The following STOX2 variants were observed in gnomAD, a reference collection of about 807,000 sequenced individuals.
STOX2 encodes the protein storkhead box 2, also known as storkhead-box protein 2.
In STOX2, 28 loss-of-function variants were observed where a neutral mutation model predicts 60.9. The observed-to-expected ratio is 0.46, with a 90% CI of 0.34 to 0.63. STOX2 has a LOEUF of 0.63. Ranked by LOEUF, STOX2 falls within the 30% of genes least tolerant of loss-of-function variation. The pLI is 0.01. For synonymous variants in STOX2, 472 were observed against 463.9 expected, an observed-to-expected ratio of 1.02 and a Z score of -0.22; for missense variants, 1,024 against 1,187.7, an observed-to-expected ratio of 0.86 and a Z score of 2.03.
chr4:183,860,917 C>T (rs1314720117), intron 1 of STOX2, among the ~76,000 whole-genome samples: 1 of 152,200 alleles, frequency 6.6e-6, no homozygotes, highest in African/African-American at 2.4e-5. Context: ...CAAGCATCTT[C>T]CTGTAGGAAC....
intron 1 of STOX2, among the ~76,000 whole-genome samples, chr4:183,833,790 G>C (rs180787715): frequency 0.014 from 2,055 of 148,450 alleles, 44 homozygotes; most frequent in African/African-American, 0.047. Context: ...AGACCATCCC[G>C]GCTAAAAACG....
At chr4:183,930,024 T>C (rs1027535341) in intron 1 of STOX2, among the ~76,000 whole-genome samples, 12 of 151,500 alleles carry the variant, frequency 7.9e-5, no homozygotes, top group African/African-American at 1.5e-4. Context: ...TCACCACGCC[T>C]GGCTAATTTT....
chr4:183,970,177 T>TGG (rs1560911379), intron 1 of STOX2, among the ~76,000 whole-genome samples: 15 of 139,946 alleles, frequency 1.1e-4, no homozygotes, highest in African/African-American at 3.5e-4. Context: ...TGTGTGTGTG[T>TGG]GTGTGGGGTT....
rs551210823 is a variant in STOX2, at chr4:183,889,184, A to G, written c.364+91129A>G. 1.0e-3 allele frequency among the ~76,000 whole-genome samples: 159 copies of G among 152,030 alleles called. 1 individual carries two copies. The highest frequency in any genetic ancestry group is 2.1e-3 in the Non-Finnish European group (140 of 68,000). ...CTAACCACCTATAGCTCCAAATAGG[A>G]CCTTATTTGGAAATAGGGTAGTTGG... On this transcript the variant is annotated intron_variant, in intron 1 of 2. Transcript: ENST00000513034.
intron 1 of STOX2, among the ~76,000 whole-genome samples, chr4:183,840,838 T>G (rs922597771): frequency 6.6e-6 from 1 of 152,206 alleles, no homozygotes; most frequent in East Asian, 1.9e-4. Flanking sequence ...CTGCACACTG[T>G]GGATCTGCGG....
chr4:183,849,959 T>TTTC (rs1560844615), intron 1 of STOX2, among the ~76,000 whole-genome samples: 2 of 152,136 alleles, frequency 1.3e-5, no homozygotes, highest in African/African-American at 2.4e-5. Flanking sequence ...TTTCTTTTCT[T>TTTC]TTTCTTTCTT....
intron 1 of STOX2, among the ~76,000 whole-genome samples, chr4:183,996,843 T>G (rs574103920): frequency 6.6e-6 from 1 of 152,300 alleles, no homozygotes; most frequent in South Asian, 2.1e-4. Flanking sequence ...TCTCATGCAG[T>G]TAATTGGGGG....
chr4:183,933,792 A>T (rs1742509152), intron 1 of STOX2, among the ~76,000 whole-genome samples: 1 of 152,220 alleles, frequency 6.6e-6, no homozygotes, highest in South Asian at 2.1e-4. Flanking sequence ...TGTTTTAAAG[A>T]GCATTTATTA....
At chr4:183,995,856 G>A (rs982134697) in intron 1 of STOX2, among the ~76,000 whole-genome samples, 22 of 152,124 alleles carry the variant, frequency 1.4e-4, no homozygotes, top group African/African-American at 4.3e-4. Flanking sequence ...TCAGCTCCCC[G>A]GGCTGCCTGG....
intron 1 of STOX2, among the ~76,000 whole-genome samples, chr4:183,996,779 AG>A (rs140538976): frequency 0.014 from 2,155 of 152,150 alleles, 54 homozygotes; most frequent in African/African-American, 0.049. Context: ...GCTATATAAT[AG>A]TTGTGTTATA....
chr4:183,853,852 A>G (rs1560847270), intron 1 of STOX2: 1 of 152,224 alleles, frequency 6.6e-6, no homozygotes. Context: ...GTGTAAGTAT[A>G]TTGAGCTCTG....
intron 1 of STOX2, among the ~76,000 whole-genome samples, chr4:183,834,544 A>T (rs552929219): frequency 6.6e-6 from 1 of 152,088 alleles, no homozygotes; most frequent in Non-Finnish European, 1.5e-5. Flanking sequence ...AGTGGCATGG[A>T]ACACGCAGGT....
At chr4:183,888,390 C>A (rs1431062400) in intron 1 of STOX2, among the ~76,000 whole-genome samples, 2 of 152,162 alleles carry the variant, frequency 1.3e-5, no homozygotes, top group Admixed American at 6.6e-5. Context: ...GAAACTGAGG[C>A]CCAGGGATGC....
Position 183,936,777 on chromosome 4 carries a change from A to T in STOX2, c.166+29821A>T, listed in dbSNP as rs1205952884. Among the ~76,000 whole-genome samples the T allele has an allele frequency of 3.9e-5, 6 of 152,232 alleles. No homozygotes were observed. In the South Asian group the frequency reaches 1.0e-3, roughly 26 times the overall value. On this transcript the variant is annotated intron_variant, in intron 1 of 3. Coordinates refer to ENST00000308497, the MANE Select transcript of STOX2 (RefSeq NM_020225.3). ...CATGAACAATTGTGTGCTGAGTCAC[A>T]GTTTGTCTTATTTCAAAACTTCATC...
chr4:184,022,820 C>T lies in STOX2; in HGVS notation c.*5536C>T, dbSNP rs1277017074. ...TCCCACCTAGATACTGACACACCGC[C>T]ACGGTTTCCACATTGGAAGGGCAGA... On this transcript the variant is annotated 3_prime_UTR_variant, in exon 4 of 4. Transcript: ENST00000308497. The T allele has an allele frequency of 1.3e-5, 2 of 152,204 alleles. No individual in the cohort carries two copies. The highest frequency in any genetic ancestry group is 6.5e-5 in the Admixed American group (1 of 15,286). 9.4% of individuals were successfully genotyped at this position (152,204 alleles called of 1,614,324 possible).
intron 1 of STOX2, among the ~76,000 whole-genome samples, chr4:183,947,778 C>T (rs1312236023): frequency 2.0e-5 from 3 of 152,256 alleles, no homozygotes; most frequent in African/African-American, 4.8e-5. Context: ...CAGAGTGGAA[C>T]GGTGCCTCCT....
At chr4:183,921,962 A>G (rs1742111334) in intron 1 of STOX2, among the ~76,000 whole-genome samples, 1 of 152,212 alleles carries the variant, frequency 6.6e-6, no homozygotes, top group Non-Finnish European at 1.5e-5. Context: ...ACCAAACGAT[A>G]AACTCGTAAA....
chr4:183,830,642 G>C (rs1269071624), intron 1 of STOX2, among the ~76,000 whole-genome samples: 1 of 152,128 alleles, frequency 6.6e-6, no homozygotes, highest in Non-Finnish European at 1.5e-5. Flanking sequence ...TATATCTGAG[G>C]GTGATATAGG....
In STOX2 at chr4:183,906,761, G is replaced by A. The variant is rs1365289885; in HGVS notation, c.-30G>A. On this transcript the variant is annotated 5_prime_UTR_variant, in exon 1 of 4. Coordinates refer to ENST00000308497, the MANE Select transcript of STOX2 (RefSeq NM_020225.3). ...CTGCGCCCCGGCGCTGAGGCCCCGA[G>A]GATCGGGGCGGCAGGTCGCCCTCCC... 6.0e-6 allele frequency: 9 copies of A among 1,490,812 alleles called. No homozygotes were observed. Among genetic ancestry groups the A allele is most frequent in the African/African-American group, 1.4e-5 (1 of 70,458 alleles). The allele number at this position is 1,490,812 out of a possible 1,614,324, so 92.3% of individuals were successfully genotyped here.
Sources: allele counts gnomAD v4.1 joint callset (sites outside exome capture counted in the v4.1 genomes callset), GRCh38; gene constraint gnomAD v4.1.1; transcripts MANE v1.5; gene names NCBI Gene and HGNC (gene_info 2026-07-23, HGNC 2026-07-21).